SNTB2: variants seen among roughly 807,000 people sequenced by gnomAD.
SNTB2 encodes syntrophin beta 2, also known as beta-2-syntrophin.
In SNTB2, 34 loss-of-function variants were observed where a neutral mutation model predicts 46.2. The observed-to-expected ratio is 0.74, with a 90% confidence interval of 0.56 to 0.98. The LOEUF (loss-of-function observed/expected upper bound fraction) is 0.98. SNTB2 is among the 50% of genes least tolerant of loss of function. SNTB2 has a pLI of 0.00. For synonymous variants in SNTB2, 290 were observed against 312.6 expected, an observed-to-expected ratio of 0.93 and a Z score of 0.76; for missense variants, 603 against 731.4, an observed-to-expected ratio of 0.82 and a Z score of 2.02.
intron 4 of SNTB2, among the ~76,000 whole-genome samples, chr16:69,276,860 A>G (rs1053806205): frequency 2.0e-5 from 3 of 152,182 alleles, no homozygotes; most frequent in African/African-American, 7.2e-5. Context: ...GTGGACTTGC[A>G]GAGGGAAAAA....
chr16:69,259,952 T>G, intron 2 of SNTB2, 98 bp from the exon 3 acceptor site: 1 of 924,970 alleles, frequency 1.1e-6, no homozygotes, highest in Non-Finnish European at 1.7e-6. Flanking sequence ...ATTTGAAGAA[T>G]GCAAAATTAA....
At chr16:69,273,847 TTTG>T (rs1309279146) in intron 4 of SNTB2, among the ~76,000 whole-genome samples, 1 of 152,152 alleles carries the variant, frequency 6.6e-6, no homozygotes, top group African/African-American at 2.4e-5. Context: ...ATATTTTTCA[TTTG>T]TTAAGTGCAC....
rs1361383416 is a variant in SNTB2 at position 69,280,521 on chromosome 16, C to T, written c.1149-3527C>T. On this transcript the variant is annotated intron_variant, in intron 4 of 6. Coordinates refer to ENST00000336278, the MANE Select transcript of SNTB2 (RefSeq NM_006750.4). ...CCCCCCACCTCCCTCCCGGATGGGGCGGCTGGCCGGGCGGGGGGCTCACAC... is the reference window on the plus strand; with the variant it reads ...CCCCCCACCTCCCTCCCGGATGGGGTGGCTGGCCGGGCGGGGGGCTCACAC... Among the ~76,000 whole-genome samples, 72 of 148,350 alleles carry T rather than the reference C, an allele frequency of 4.9e-4. 1 individual carries two copies. The highest frequency in any genetic ancestry group is 1.6e-3 in the African/African-American group (63 of 39,268).
intron 1 of SNTB2, 27 bp downstream of exon 1, chr16:69,187,773 G>GGGGGGGGGGGGGGGGC: frequency 3.0e-6 from 1 of 331,856 alleles, no homozygotes. Flanking sequence ...GGGAGGGTGG[G>GGGGGGGGGGGGGGGGC]CAGGCCGCGG....
At chr16:69,296,754 C>A (rs1351319172) in intron 5 of SNTB2, among the ~76,000 whole-genome samples, 1 of 151,160 alleles carries the variant, frequency 6.6e-6, no homozygotes, top group Non-Finnish European at 1.5e-5. Context: ...ATCTCAGGGG[C>A]CAAGCACTTT....
chr16:69,265,780 T>C (rs1167385052), intron 3 of SNTB2, among the ~76,000 whole-genome samples: 1 of 150,148 alleles, frequency 6.7e-6, no homozygotes, highest in Non-Finnish European at 1.5e-5. Flanking sequence ...TGAGCCGAGA[T>C]TGCACCATTG....
At chr16:69,291,210 C>G (rs192091794) in intron 5 of SNTB2, among the ~76,000 whole-genome samples, 5 of 152,258 alleles carry the variant, frequency 3.3e-5, no homozygotes, top group Admixed American at 2.6e-4. Context: ...CAGGCCAGGT[C>G]TAACCTGAAA....
At chr16:69,285,968 T>A (rs1965098879) in intron 5 of SNTB2, among the ~76,000 whole-genome samples, 1 of 152,162 alleles carries the variant, frequency 6.6e-6, no homozygotes, top group Non-Finnish European at 1.5e-5. Context: ...AAGTTTTGTA[T>A]TTTTAGTAGA....
At chr16:69,250,477 A>G (rs1048954012) in intron 2 of SNTB2, among the ~76,000 whole-genome samples, 1 of 152,232 alleles carries the variant, frequency 6.6e-6, no homozygotes, top group Non-Finnish European at 1.5e-5. Flanking sequence ...TCAAGTTATT[A>G]TTATAGGCAT....
chr16:69,195,102 A>C (rs1567393712), intron 1 of SNTB2, among the ~76,000 whole-genome samples: 1 of 152,180 alleles, frequency 6.6e-6, no homozygotes. Context: ...CAAGTTTGTA[A>C]CTGCATTGAG....
At position 69,284,374 on chromosome 16, in the gene SNTB2, A is replaced by G. The variant is rs932818378; in HGVS notation, c.1345+130A>G. On this transcript the variant is annotated intron_variant, in intron 5 of 6. Coordinates refer to ENST00000336278, the MANE Select transcript of SNTB2 (RefSeq NM_006750.4). ...AGCAGTCCCCTCAGATTATACTACT[A>G]TATTTTTACTATACCTTTTCTAAGT... 17 of 585,474 alleles carry G rather than the reference A, an allele frequency of 2.9e-5. 1 individual carries two copies. In the South Asian group the frequency reaches 6.0e-4, roughly 20 times the overall value. The allele number at this position is 585,474 out of a possible 1,614,324, so 36.3% of individuals were successfully genotyped here. A position where few individuals can be genotyped will look rare whatever the true frequency, so the allele number is the denominator to read the frequency against.
intron 4 of SNTB2, among the ~76,000 whole-genome samples, chr16:69,273,906 A>T (rs1210262761): frequency 6.6e-6 from 1 of 152,232 alleles, no homozygotes; most frequent in Non-Finnish European, 1.5e-5. Context: ...GTTAATACTA[A>T]TAAACTGCCT....
At chr16:69,205,112 C>T (rs74651371) in intron 1 of SNTB2, among the ~76,000 whole-genome samples, 7,508 of 151,546 alleles carry the variant, frequency 0.05, 254 homozygotes, top group Non-Finnish European at 0.071. Context: ...ACTTTGTGTA[C>T]AGTTGCCCTC....
intron 3 of SNTB2, among the ~76,000 whole-genome samples, chr16:69,265,848 A>T (rs1256413997): frequency 6.6e-6 from 1 of 151,500 alleles, no homozygotes; most frequent in African/African-American, 2.4e-5. Flanking sequence ...AAAAAAAAAA[A>T]GAAATAAAAT....
At chr16:69,271,333 C>G (rs997105473) in intron 4 of SNTB2, among the ~76,000 whole-genome samples, 2 of 152,092 alleles carry the variant, frequency 1.3e-5, no homozygotes, top group African/African-American at 4.8e-5. Context: ...AATAGTCCTG[C>G]AGAAAGACTG....
chr16:69,210,251 T>G (rs1427559757), intron 1 of SNTB2, among the ~76,000 whole-genome samples: 1 of 151,842 alleles, frequency 6.6e-6, no homozygotes, highest in Non-Finnish European at 1.5e-5. Flanking sequence ...TTGGTTTGGT[T>G]TTTTGAGATG....
intron 3 of SNTB2, among the ~76,000 whole-genome samples, chr16:69,263,505 G>A (rs753849881): frequency 8.6e-5 from 13 of 150,528 alleles, no homozygotes; most frequent in Non-Finnish European, 1.5e-4. Context: ...TACTATCTCC[G>A]CCTCCCAGGT....
chr16:69,195,912 G>A (rs929808710), intron 1 of SNTB2, among the ~76,000 whole-genome samples: 1 of 152,114 alleles, frequency 6.6e-6, no homozygotes, highest in Non-Finnish European at 1.5e-5. Flanking sequence ...TGGTTGCTAG[G>A]TTAACTTATG....
In SNTB2 at chr16:69,306,629, A is replaced by G. The variant is rs1263898462; in HGVS notation, c.*5705A>G. 1.3e-5 allele frequency: 2 copies of G among 152,234 alleles called. No individual in the cohort carries two copies. Among genetic ancestry groups the G allele is most frequent in the African/African-American group, 4.8e-5 (2 of 41,454 alleles). The allele number at this position is 152,234 out of a possible 1,614,324, so 9.4% of individuals were successfully genotyped here. A position where few individuals can be genotyped will look rare whatever the true frequency, so the allele number is the denominator to read the frequency against. On this transcript the variant is annotated 3_prime_UTR_variant, in exon 7 of 7. Transcript: ENST00000336278. Reference sequence around the variant, plus strand: ...TATTTCATTGTATTGTAGGTTTGGGAATCCTGGTTAGATTTATAATTTCTG... The same window carrying G: ...TATTTCATTGTATTGTAGGTTTGGGGATCCTGGTTAGATTTATAATTTCTG...
Sources: gnomAD v4.1 joint callset for allele counts (sites outside exome capture counted in the v4.1 genomes callset) on GRCh38, gnomAD v4.1.1 for gene constraint, MANE v1.5 for transcripts, NCBI Gene and HGNC (gene_info 2026-07-23, HGNC 2026-07-21) for gene names.